The following LAMA2 variants were observed in gnomAD, a reference collection of about 807,000 sequenced individuals.
The protein encoded by LAMA2 is laminin subunit alpha-2.
A neutral mutation model predicts 364.8 loss-of-function variants in LAMA2; 269 were observed. The ratio of observed to expected loss-of-function variants is 0.74; its 90% confidence interval spans 0.67 to 0.82. The LOEUF is 0.82. Ranked by LOEUF, LAMA2 falls within the 40% of genes least tolerant of loss-of-function variation. The pLI is 0.00. For synonymous variants in LAMA2, 1,379 were observed against 1,370.6 expected, an observed-to-expected ratio of 1.01 and a Z score of -0.14; for missense variants, 3,807 against 3,873.2, an observed-to-expected ratio of 0.98 and a Z score of 0.45.
intron 41 of LAMA2, among the ~76,000 whole-genome samples, chr6:129,428,071 T>C (rs189294842): frequency 3.0e-4 from 46 of 152,358 alleles, no homozygotes; most frequent in African/African-American, 1.0e-3. Flanking sequence ...GTAAGTCTTA[T>C]TTCTATAGCA....
intron 29 of LAMA2, among the ~76,000 whole-genome samples, chr6:129,329,965 TC>T (rs1775533335): frequency 6.6e-6 from 1 of 152,048 alleles, no homozygotes; most frequent in Non-Finnish European, 1.5e-5. Flanking sequence ...CATTAGATTC[TC>T]ATAGGAGCAC....
chr6:129,307,941 A>G (rs937519429), intron 22 of LAMA2, among the ~76,000 whole-genome samples: 7 of 152,220 alleles, frequency 4.6e-5, no homozygotes, highest in African/African-American at 9.6e-5. Context: ...AGTACCCTAT[A>G]GAGATGTAAA....
intron 47 of LAMA2, 131 bp from the exon 48 acceptor site, chr6:129,456,204 C>A: frequency 1.2e-6 from 1 of 861,710 alleles, no homozygotes; most frequent in Non-Finnish European, 1.9e-6. Flanking sequence ...ACTAAACAGC[C>A]AGTTTTCTCT....
At chr6:129,406,015 G>C (rs1173819294) in intron 40 of LAMA2, among the ~76,000 whole-genome samples, 1 of 152,022 alleles carries the variant, frequency 6.6e-6, no homozygotes, top group Non-Finnish European at 1.5e-5. Context: ...AAAAGGAAAA[G>C]GTCAAGTAGT....
intron 4 of LAMA2, among the ~76,000 whole-genome samples, chr6:129,114,202 T>C (rs1776327386): frequency 6.6e-6 from 1 of 151,984 alleles, no homozygotes; most frequent in African/African-American, 2.4e-5. Flanking sequence ...TAAATACAAA[T>C]CAAGGTTGAA....
intron 1 of LAMA2, among the ~76,000 whole-genome samples, chr6:129,013,200 C>T (rs1054680283): frequency 1.3e-4 from 20 of 152,294 alleles, no homozygotes; most frequent in African/African-American, 4.3e-4. Flanking sequence ...CTTTGGGAGG[C>T]TGAGGCGGGC....
intron 12 of LAMA2, among the ~76,000 whole-genome samples, chr6:129,211,605 T>C (rs1221833801): frequency 6.6e-6 from 1 of 152,254 alleles, no homozygotes; most frequent in Non-Finnish European, 1.5e-5. Flanking sequence ...TGCTCTCTCA[T>C]GCTTTTCTTC....
At chr6:129,261,952 A>G (rs1461534880) in intron 15 of LAMA2, among the ~76,000 whole-genome samples, 1 of 152,172 alleles carries the variant, frequency 6.6e-6, no homozygotes, top group African/African-American at 2.4e-5. Flanking sequence ...TTGATGAAAC[A>G]AGAGCCTTTT....
At chr6:129,474,896 G>A (rs1783991469) in intron 52 of LAMA2, among the ~76,000 whole-genome samples, 1 of 152,088 alleles carries the variant, frequency 6.6e-6, no homozygotes, top group Admixed American at 6.6e-5. Flanking sequence ...AGCCATTAGA[G>A]GTATATTTGT....
At chr6:129,507,746 C>T (rs1786220555) in intron 62 of LAMA2, 104 bp downstream of exon 62, 2 of 1,195,150 alleles carry the variant, frequency 1.7e-6, no homozygotes, top group African/African-American at 1.5e-5. Flanking sequence ...AAACTAGTAT[C>T]CTTTATTTAA....
At position 129,383,127 on chromosome 6, in the gene LAMA2, CA is replaced by C; in HGVS notation, c.4968del (p.Val1657Ter). ...EMNELLTRAT[K>X]VTADGEQTGQ... The stretch of plus-strand genomic sequence containing the variant: ...TCCCGAATTTGGATCATTAGGCTAC[CA>C]AAGTGACAGCAGATGGCGAGCAGAC... On this transcript the variant is annotated frameshift_variant, in exon 35 of 65. Transcript: ENST00000421865. LOFTEE classifies it high-confidence loss of function. 6.2e-7 allele frequency: 1 copy of C among 1,613,302 alleles called. No individual in the cohort carries two copies. The highest frequency in any genetic ancestry group is 8.5e-7 in the Non-Finnish European group (1 of 1,179,598).
At chr6:129,276,923 C>T (rs1788367394) in intron 17 of LAMA2, among the ~76,000 whole-genome samples, 2 of 151,964 alleles carry the variant, frequency 1.3e-5, no homozygotes, top group African/African-American at 4.8e-5. Flanking sequence ...AGATTGTTGA[C>T]ATAGTCACAT....
chr6:129,475,063 A>G (rs1783999705), intron 52 of LAMA2, among the ~76,000 whole-genome samples: 1 of 152,170 alleles, frequency 6.6e-6, no homozygotes, highest in Non-Finnish European at 1.5e-5. Flanking sequence ...TAAGCCATTC[A>G]TGAACACTAC....
chr6:128,884,858 T>A (rs1776057615), intron 1 of LAMA2, among the ~76,000 whole-genome samples: 1 of 152,186 alleles, frequency 6.6e-6, no homozygotes, highest in Non-Finnish European at 1.5e-5. Flanking sequence ...CACCAATCCT[T>A]ATGTCCACTT....
chr6:129,255,859 C>T (rs1450565601), intron 14 of LAMA2, among the ~76,000 whole-genome samples: 2 of 152,136 alleles, frequency 1.3e-5, no homozygotes, highest in Non-Finnish European at 2.9e-5. Flanking sequence ...ACTGATAACA[C>T]TAGGACTTAA....
chr6:129,318,025 A>T (rs1219042005), intron 27 of LAMA2, among the ~76,000 whole-genome samples: 1 of 152,034 alleles, frequency 6.6e-6, no homozygotes, highest in African/African-American at 2.4e-5. Flanking sequence ...TCCTAATCTC[A>T]GTAAAAACTG....
At chr6:129,032,111 C>T (rs1288069053) in intron 1 of LAMA2, among the ~76,000 whole-genome samples, 1 of 152,222 alleles carries the variant, frequency 6.6e-6, no homozygotes, top group African/African-American at 2.4e-5. Flanking sequence ...AGCCACCAGG[C>T]CCATCCTCTG....
chr6:128,896,100 T>C (rs1294334650), intron 1 of LAMA2, among the ~76,000 whole-genome samples: 1 of 152,198 alleles, frequency 6.6e-6, no homozygotes, highest in Non-Finnish European at 1.5e-5. Context: ...CAAACACTGA[T>C]GGGTCTGAAC....
chr6:129,094,194 A>T (rs1302841874), intron 3 of LAMA2, among the ~76,000 whole-genome samples: 1 of 152,226 alleles, frequency 6.6e-6, no homozygotes, highest in East Asian at 1.9e-4. Flanking sequence ...TTACATTTTT[A>T]ATAATGCTAT....
Sources: allele counts gnomAD v4.1 joint callset (sites outside exome capture counted in the v4.1 genomes callset), GRCh38; gene constraint gnomAD v4.1.1; transcripts MANE v1.5; gene names NCBI Gene and HGNC (gene_info 2026-07-23, HGNC 2026-07-21).